The following EPHA6 variants were observed in gnomAD, a reference collection of about 807,000 sequenced individuals.
EPHA6 encodes EPH receptor A6.
A neutral mutation model predicts 112.0 loss-of-function variants in EPHA6; 50 were observed. The observed-to-expected ratio is 0.45, with a 90% confidence interval of 0.36 to 0.56. EPHA6 has a LOEUF of 0.56. Ranked by LOEUF, EPHA6 falls within the 20% of genes least tolerant of loss-of-function variation. EPHA6 has a pLI of 0.00. For synonymous variants in EPHA6, 529 were observed against 490.7 expected (o/e 1.08, Z -1.03); for missense variants, 1,280 against 1,417.4 (o/e 0.90, Z 1.56).
chr3:97,493,841 C>T (rs1468880153), intron 10 of EPHA6, among the ~76,000 whole-genome samples: 2 of 152,134 alleles, frequency 1.3e-5, no homozygotes, highest in Admixed American at 6.5e-5. Context: ...CAAACTATCT[C>T]GTGGTTACCA....
intron 5 of EPHA6, among the ~76,000 whole-genome samples, chr3:97,335,079 A>C (rs2082994026): frequency 6.6e-6 from 1 of 152,140 alleles, no homozygotes; most frequent in Admixed American, 6.6e-5. Flanking sequence ...ACATGGGCTT[A>C]ATTGTGTCTC....
At chr3:96,946,991 T>C (rs1433160077) in intron 2 of EPHA6, among the ~76,000 whole-genome samples, 1 of 152,154 alleles carries the variant, frequency 6.6e-6, no homozygotes, top group Non-Finnish European at 1.5e-5. Flanking sequence ...AAGTGTCTGT[T>C]CATATCCTTC....
Position 96,951,209 on chromosome 3 carries a change from T to C in EPHA6, c.451-36121T>C, listed in dbSNP as rs1001708694. Reference sequence around the variant, plus strand: ...AGAGACTAGCCCATAGTCTATACTTTTTTATACTGTATTACTTTTTACCTA... The same window carrying C: ...AGAGACTAGCCCATAGTCTATACTTCTTTATACTGTATTACTTTTTACCTA... On this transcript the variant is annotated intron_variant, in intron 2 of 17. Coordinates refer to ENST00000389672, the MANE Select transcript of EPHA6 (RefSeq NM_001080448.3). Among the ~76,000 whole-genome samples, 4 of 152,142 alleles carry C rather than the reference T, an allele frequency of 2.6e-5. No individual in the cohort carries two copies. The South Asian group carries it at 8.3e-4, about 32-fold the overall frequency.
intron 10 of EPHA6, among the ~76,000 whole-genome samples, chr3:97,517,558 TA>T (rs1190484677): frequency 6.6e-6 from 1 of 152,082 alleles, no homozygotes; most frequent in Non-Finnish European, 1.5e-5. Flanking sequence ...TCAAGCTAAT[TA>T]AAAAATTTGT....
chr3:96,897,343 T>G (rs950751155), intron 2 of EPHA6, among the ~76,000 whole-genome samples: 1 of 152,176 alleles, frequency 6.6e-6, no homozygotes. Context: ...TTTTCTTATT[T>G]ATTTGCAAGC....
At chr3:97,021,862 C>T (rs1424906318) in intron 3 of EPHA6, among the ~76,000 whole-genome samples, 2 of 152,166 alleles carry the variant, frequency 1.3e-5, no homozygotes, top group Admixed American at 1.3e-4. Context: ...TTATCCTTTG[C>T]CACTTAGATC....
intron 2 of EPHA6, among the ~76,000 whole-genome samples, chr3:96,951,514 A>G (rs190187905): frequency 1.4e-4 from 21 of 152,240 alleles, no homozygotes; most frequent in Non-Finnish European, 2.1e-4. Flanking sequence ...TATAAACTCT[A>G]TAAATCATCA....
intron 3 of EPHA6, among the ~76,000 whole-genome samples, chr3:97,147,262 A>T (rs1421519898): frequency 6.6e-6 from 1 of 152,124 alleles, no homozygotes; most frequent in African/African-American, 2.4e-5. Flanking sequence ...TCATTTGGGC[A>T]CATCTAATTT....
chr3:97,596,171 C>T (rs1407444957), intron 12 of EPHA6, among the ~76,000 whole-genome samples: 1 of 152,140 alleles, frequency 6.6e-6, no homozygotes, highest in East Asian at 1.9e-4. Flanking sequence ...TCCCAAAGTG[C>T]TGGGATTACA....
intron 13 of EPHA6, among the ~76,000 whole-genome samples, chr3:97,624,733 A>C (rs544605110): frequency 1.3e-5 from 2 of 151,668 alleles, no homozygotes; most frequent in Admixed American, 1.3e-4. Flanking sequence ...TCTTATTACT[A>C]GTTATAGGTC....
intron 7 of EPHA6, among the ~76,000 whole-genome samples, chr3:97,452,812 T>C (rs1392901177): frequency 3.3e-5 from 5 of 151,672 alleles, no homozygotes; most frequent in South Asian, 2.1e-4. Flanking sequence ...TTTTGGCTTA[T>C]ACAGCTATAA....
At chr3:97,496,469 G>T (rs921477186) in intron 10 of EPHA6, among the ~76,000 whole-genome samples, 16 of 152,134 alleles carry the variant, frequency 1.1e-4, no homozygotes, top group African/African-American at 3.9e-4. Flanking sequence ...TGGTCAAAGT[G>T]AACCAGCTTG....
intron 8 of EPHA6, among the ~76,000 whole-genome samples, chr3:97,478,012 T>C (rs1365067635): frequency 6.6e-6 from 1 of 152,132 alleles, no homozygotes; most frequent in Non-Finnish European, 1.5e-5. Context: ...TTCTTATTAT[T>C]ATACTTTAAG....
At chr3:96,831,721 G>C (rs147703055) in intron 1 of EPHA6, among the ~76,000 whole-genome samples, 1 of 152,056 alleles carries the variant, frequency 6.6e-6, no homozygotes, top group East Asian at 1.9e-4. Flanking sequence ...ATCCTTATCT[G>C]TATCATTCAA....
chr3:97,640,632 TAGCC>T (rs1486982064), intron 14 of EPHA6, among the ~76,000 whole-genome samples: 1 of 151,142 alleles, frequency 6.6e-6, no homozygotes, highest in Non-Finnish European at 1.5e-5. Context: ...AAAAAAAAAT[TAGCC>T]AGGCGTGGTG....
chr3:97,036,946 C>T (rs190069181), intron 3 of EPHA6, among the ~76,000 whole-genome samples: 14 of 151,866 alleles, frequency 9.2e-5, no homozygotes, highest in Non-Finnish European at 1.6e-4. Context: ...TGTGACTCGC[C>T]GACCCCTGGA....
At chr3:97,141,000 A>C (rs929278623) in intron 3 of EPHA6, among the ~76,000 whole-genome samples, 13 of 152,134 alleles carry the variant, frequency 8.5e-5, no homozygotes, top group African/African-American at 2.9e-4. Flanking sequence ...CCATGCAAGC[A>C]AAAAACAATG....
At chr3:96,884,985 G>A (rs1170705061) in intron 2 of EPHA6, among the ~76,000 whole-genome samples, 2 of 152,126 alleles carry the variant, frequency 1.3e-5, no homozygotes, top group African/African-American at 4.8e-5. Flanking sequence ...AAATGATCAT[G>A]CGATTTTTGT....
chr3:97,269,014 A>G (rs1040548001), intron 5 of EPHA6, among the ~76,000 whole-genome samples: 1 of 152,198 alleles, frequency 6.6e-6, no homozygotes, highest in Non-Finnish European at 1.5e-5. Context: ...GATATTATTG[A>G]AGCAGCCATG....
Sources: gnomAD v4.1 joint callset for allele counts (sites outside exome capture counted in the v4.1 genomes callset) on GRCh38, gnomAD v4.1.1 for gene constraint, MANE v1.5 for transcripts, NCBI Gene and HGNC (gene_info 2026-07-23, HGNC 2026-07-21) for gene names.